The following CACNA1S variants were observed in gnomAD, a reference collection of about 807,000 sequenced individuals.
CACNA1S encodes the protein voltage-dependent L-type calcium channel subunit alpha-1S.
A neutral mutation model predicts 207.4 loss-of-function variants in CACNA1S; 126 were observed. The ratio of observed to expected loss-of-function variants is 0.61; its 90% CI spans 0.53 to 0.70. The LOEUF is 0.70. CACNA1S is among the 30% of genes least tolerant of loss of function. The pLI is 0.00. For missense variants in CACNA1S, 2,349 were observed against 2,422.8 expected (o/e 0.97, Z 0.64); for synonymous variants, 960 against 932.7 (o/e 1.03, Z -0.53).
At chr1:201,062,437 C>G in intron 23 of CACNA1S, 25 bp downstream of exon 23, 1 of 1,611,964 alleles carries the variant, frequency 6.2e-7, no homozygotes, top group Non-Finnish European at 8.5e-7. Context: ...CGTGACCGTC[C>G]CACTGTGCTC....
At chr1:201,072,398 G>A (rs932767351) in intron 16 of CACNA1S, among the ~76,000 whole-genome samples, 2 of 152,040 alleles carry the variant, frequency 1.3e-5, no homozygotes, top group African/African-American at 2.4e-5. Flanking sequence ...ATATATGGGC[G>A]TGTCCTCATT....
At chr1:201,110,394 C>T (rs867575824) in intron 1 of CACNA1S, 125 bp from the exon 2 acceptor site, 55 of 792,102 alleles carry the variant, frequency 6.9e-5, no homozygotes, top group East Asian at 6.1e-4. Flanking sequence ...GGCTCATGGA[C>T]GCTCGCCCAC....
In CACNA1S at chr1:201,039,706, G is replaced by T; in HGVS notation, c.*125C>A. ...GTGGTTCCTGACCACCCTGCCTCAG[G>T]CCATGCATCTAGCTGCTGAGAGGGA... On this transcript the variant is annotated 3_prime_UTR_variant, in exon 44 of 44. Transcript: ENST00000362061. The T allele has an allele frequency of 7.5e-7, 1 of 1,337,666 alleles. No individual in the cohort carries two copies. Among genetic ancestry groups the T allele is most frequent in the Middle Eastern group, 2.2e-4 (1 of 4,484 alleles). The allele number at this position is 1,337,666 out of a possible 1,614,324, so 82.9% of individuals were successfully genotyped here.
chr1:201,105,886 A>C (rs1239302539), intron 2 of CACNA1S, among the ~76,000 whole-genome samples: 1 of 152,144 alleles, frequency 6.6e-6, no homozygotes, highest in East Asian at 1.9e-4. Flanking sequence ...CACACACGGC[A>C]ACTGAGGGAA....
intron 16 of CACNA1S, among the ~76,000 whole-genome samples, chr1:201,072,453 C>T (rs1482925761): frequency 2.6e-5 from 4 of 152,168 alleles, no homozygotes; most frequent in Admixed American, 2.0e-4. Flanking sequence ...TGTATACCCA[C>T]GTGTCCCTGT....
chr1:201,100,127 A>G (rs139242036), intron 2 of CACNA1S, among the ~76,000 whole-genome samples: 98 of 152,364 alleles, frequency 6.4e-4, no homozygotes, highest in African/African-American at 2.2e-3. Context: ...TCTCCATCCC[A>G]GAGGGATATG....
intron 2 of CACNA1S, among the ~76,000 whole-genome samples, chr1:201,099,143 G>T (rs1209816539): frequency 6.6e-6 from 1 of 152,252 alleles, no homozygotes; most frequent in African/African-American, 2.4e-5. Context: ...ATGGGGCTTT[G>T]TGGGAAGATG....
At chr1:201,057,029 C>T (rs1167398296) in intron 28 of CACNA1S, among the ~76,000 whole-genome samples, 1 of 152,240 alleles carries the variant, frequency 6.6e-6, no homozygotes, top group African/African-American at 2.4e-5. Flanking sequence ...GCCCTCTTGT[C>T]CCCTACAGTT....
Position 201,078,514 on chromosome 1 carries a change from C to T in CACNA1S, c.1394-410G>A, listed in dbSNP as rs1227111227. On this transcript the variant is annotated intron_variant, in intron 10 of 43. Transcript: ENST00000362061. ...TATGCCCAGCGAATTTTTAAATTAG[C>T]TTCAAAAAAAAAAAAAAAAAAAAAA... Among the ~76,000 whole-genome samples the T allele has an allele frequency of 3.1e-4, 15 of 48,428 alleles. No homozygotes were observed. In the South Asian group the frequency reaches 0.014, roughly 45 times the overall value. The allele number at this position is 48,428 out of a possible 152,430, so 31.8% of individuals were successfully genotyped here. A position where few individuals can be genotyped will look rare whatever the true frequency, so the allele number is the denominator to read the frequency against.
intron 2 of CACNA1S, among the ~76,000 whole-genome samples, chr1:201,097,530 C>A (rs148630522): frequency 2.3e-4 from 35 of 152,274 alleles, no homozygotes; most frequent in African/African-American, 8.2e-4. Context: ...AACCCTCTGA[C>A]CCCCCACAGG....
Position 201,083,303 on chromosome 1 carries a change from T to C in CACNA1S, c.1252A>G (p.Asn418Asp). ...TGGCACTTCCAGCGAAAGATGCGGTTCCACTGCCTCCAATGTCGGCTGAGG... is the reference window on the plus strand; with the variant it reads ...TGGCACTTCCAGCGAAAGATGCGGTCCCACTGCCTCCAATGTCGGCTGAGG... ...IQFIRHWRQW[N>D]RIFRWKCHDI... The change falls in exon 10 of 44, where the codon AAC becomes GAC. Residue 418 changes from asparagine to aspartate, a missense_variant. Coordinates refer to ENST00000362061, the MANE Select transcript of CACNA1S (RefSeq NM_000069.3). 6.2e-7 allele frequency: 1 copy of C among 1,614,212 alleles called. No individual in the cohort carries two copies. Among genetic ancestry groups the C allele is most frequent in the Non-Finnish European group, 8.5e-7 (1 of 1,180,040 alleles).
chr1:201,090,923 A>G (rs10159326), intron 5 of CACNA1S, among the ~76,000 whole-genome samples: 25,871 of 152,156 alleles, frequency 0.17, 2,381 homozygotes, highest in Middle Eastern at 0.26. Flanking sequence ...GTTATTTTTT[A>G]TTAGAAATAT....
At position 201,091,660 on chromosome 1, in the gene CACNA1S, G is replaced by A. The variant is rs1662237139; in HGVS notation, c.674C>T (p.Thr225Ile). The stretch of plus-strand genomic sequence containing the variant: ...CTCACCTGTACCAATGAAGTAGCAG[G>A]TCTTGTGCATCTTGCCCTTGAAGAG... Reference protein sequence around the residue: ...LELFKGKMHKTCYFIGTDIVA... With the variant: ...LELFKGKMHKICYFIGTDIVA... The change falls in exon 5 of 44, where the codon ACC (threonine) becomes ATC (isoleucine). Residue 225 changes from threonine to isoleucine, a missense_variant. By Grantham distance (89) the Thr-to-Ile change is moderately conservative (BLOSUM62 -1). Transcript: ENST00000362061. 2 of 1,614,114 alleles carry A rather than the reference G, an allele frequency of 1.2e-6. No individual in the cohort carries two copies. Among genetic ancestry groups the A allele is most frequent in the African/African-American group, 2.7e-5 (2 of 74,930 alleles).
rs757372948 is a variant in CACNA1S at position 201,065,882 on chromosome 1, G to A, written c.2809C>T (p.Leu937Phe). 5.0e-6 allele frequency: 8 copies of A among 1,614,162 alleles called. No homozygotes were observed. The highest frequency in any genetic ancestry group is 3.3e-5 in the Admixed American group (2 of 60,030). ...TIGNIVLVTT[L>F]LQFMFACIGV... is the part of the protein sequence containing the mutation. ...ATGCAGGCAAACATGAACTGTAGGA[G>A]GGTAGTGACCAGCACGATGTTCCCG... The change falls in exon 22 of 44, where the codon CTC becomes TTC. Residue 937 changes from leucine to phenylalanine, a missense_variant. By Grantham distance (22) the Leu-to-Phe change is conservative. Transcript: ENST00000362061.
intron 19 of CACNA1S, among the ~76,000 whole-genome samples, chr1:201,068,312 A>G (rs972703532): frequency 2.0e-4 from 26 of 127,314 alleles, no homozygotes; most frequent in Admixed American, 1.9e-3. Context: ...GCATGATCTC[A>G]GCTCACTGCA....
chr1:201,088,521 C>T (rs930454508), intron 6 of CACNA1S, among the ~76,000 whole-genome samples: 1 of 152,166 alleles, frequency 6.6e-6, no homozygotes, highest in Non-Finnish European at 1.5e-5. Flanking sequence ...AATCCCCCCA[C>T]CCCCACAATA....
chr1:201,064,829 A>G (rs559470923), intron 22 of CACNA1S, among the ~76,000 whole-genome samples: 23 of 152,366 alleles, frequency 1.5e-4, no homozygotes, highest in African/African-American at 5.5e-4. Flanking sequence ...AGAAAAGTAT[A>G]AGGTTGGCTC....
In CACNA1S at chr1:201,052,562, G is replaced by A; in HGVS notation, c.3948C>T (p.Leu1316=). ...GGGTGGCGGGAGACGCGTGCCTGAA[G>A]AGCAGTAGCACAGCTTGTGGGAAGG... The part of the protein sequence containing the change: ...FQTFPQAVLL[L]FRCATGEAWQ... The change falls in exon 32 of 44, where the codon CTC becomes CTT. Residue 1316 remains leucine, a synonymous_variant. Transcript: ENST00000362061. 2 of 1,612,898 alleles carry A rather than the reference G, an allele frequency of 1.2e-6. No individual in the cohort carries two copies. Among genetic ancestry groups the A allele is most frequent in the Non-Finnish European group, 1.7e-6 (2 of 1,178,958 alleles).
At chr1:201,048,211 A>G (rs553273540) in intron 36 of CACNA1S, among the ~76,000 whole-genome samples, 4 of 152,298 alleles carry the variant, frequency 2.6e-5, no homozygotes, top group African/African-American at 9.6e-5. Flanking sequence ...GAGGACCTGC[A>G]GATTTAGTGG....
Sources: allele counts gnomAD v4.1 joint callset (sites outside exome capture counted in the v4.1 genomes callset), GRCh38; gene constraint gnomAD v4.1.1; transcripts MANE v1.5; gene names NCBI Gene and HGNC (gene_info 2026-07-23, HGNC 2026-07-21).